DTWD2: variants seen among roughly 807,000 people sequenced by gnomAD.
DTWD2 encodes tRNA-uridine aminocarboxypropyltransferase 2.
DTWD2 carries 39 observed loss-of-function variants against 31.8 expected under a neutral mutation model. That is an observed-to-expected ratio of 1.22 (90% confidence interval 0.95 to 1.60). The LOEUF is 1.60. DTWD2 is among the 40% of genes most tolerant of loss of function. The pLI is 0.00. For synonymous variants in DTWD2, 180 were observed against 142.8 expected (o/e 1.26, Z -1.86); for missense variants, 515 against 381.5 (o/e 1.35, Z -2.92).
rs552887302 is a variant in DTWD2, at chr5:118,942,934, C to T, written c.309+1625G>A. ...CCTCCCACCTCAGCCTCCCAAGTAG[C>T]TAGGCCTATAGGCATACACCACCAC... On this transcript the variant is annotated intron_variant, in intron 2 of 5. Coordinates refer to ENST00000510708, the MANE Select transcript of DTWD2 (RefSeq NM_173666.4). Among the ~76,000 whole-genome samples, 16 of 152,186 alleles carry T rather than the reference C, an allele frequency of 1.1e-4. No individual in the cohort carries two copies. In the South Asian group the frequency reaches 3.3e-3, roughly 32 times the overall value.
chr5:118,836,502 G>C lies in DTWD2; in HGVS notation c.*4415C>G, dbSNP rs1751573053. On this transcript the variant is annotated 3_prime_UTR_variant, in exon 6 of 6. Transcript: ENST00000510708. ...TCTACCCACCTCGGCCTCCCAAAGT[G>C]CTGGAATTACAGATGTGAGCCACCA... 6.6e-6 allele frequency among the ~76,000 whole-genome samples: 1 copy of C among 152,180 alleles called. No individual in the cohort carries two copies. The highest frequency in any genetic ancestry group is 2.4e-5 in the African/African-American group (1 of 41,434).
intron 1 of DTWD2, among the ~76,000 whole-genome samples, chr5:118,959,269 G>GT (rs1342649453): frequency 6.6e-6 from 1 of 152,000 alleles, no homozygotes; most frequent in African/African-American, 2.4e-5. Flanking sequence ...CAAAATCAAT[G>GT]TAAAAAAAAT....
intron 5 of DTWD2, among the ~76,000 whole-genome samples, chr5:118,843,665 G>A (rs1035598473): frequency 6.6e-5 from 10 of 152,166 alleles, no homozygotes; most frequent in Non-Finnish European, 1.0e-4. Flanking sequence ...GTAAACAGAA[G>A]AAAACTCATA....
At chr5:118,896,834 T>A (rs145787055) in intron 4 of DTWD2, among the ~76,000 whole-genome samples, 2 of 152,172 alleles carry the variant, frequency 1.3e-5, no homozygotes, top group African/African-American at 2.4e-5. Flanking sequence ...TTCCAGTCAA[T>A]GGACCCAGCT....
chr5:118,889,376 A>G (rs994826183), intron 4 of DTWD2, among the ~76,000 whole-genome samples: 1 of 152,218 alleles, frequency 6.6e-6, no homozygotes, highest in African/African-American at 2.4e-5. Flanking sequence ...TTTAACATCA[A>G]GCAATAAATT....
At chr5:118,871,705 C>G (rs897494284) in intron 4 of DTWD2, among the ~76,000 whole-genome samples, 3 of 152,126 alleles carry the variant, frequency 2.0e-5, no homozygotes, top group African/African-American at 7.2e-5. Flanking sequence ...CTTTCTTTTT[C>G]CAGTTACAAA....
intron 4 of DTWD2, among the ~76,000 whole-genome samples, chr5:118,851,986 C>T (rs1049715623): frequency 1.3e-4 from 20 of 152,084 alleles, no homozygotes; most frequent in African/African-American, 3.6e-4. Context: ...TTATCTCAAC[C>T]GCAGAGGACA....
intron 1 of DTWD2, among the ~76,000 whole-genome samples, chr5:118,962,663 G>C (rs1228110300): frequency 6.6e-6 from 1 of 152,156 alleles, no homozygotes; most frequent in African/African-American, 2.4e-5. Context: ...GGAGAAGGGA[G>C]AGGAAAAGAA....
chr5:118,872,208 C>A (rs1752521405), intron 4 of DTWD2, among the ~76,000 whole-genome samples: 1 of 152,214 alleles, frequency 6.6e-6, no homozygotes, highest in South Asian at 2.1e-4. Flanking sequence ...ATCCAGACCA[C>A]TCAAATTTTC....
At chr5:118,906,065 C>A (rs906710091) in intron 4 of DTWD2, among the ~76,000 whole-genome samples, 6 of 151,902 alleles carry the variant, frequency 3.9e-5, no homozygotes, top group African/African-American at 1.4e-4. Context: ...TACACTTCAC[C>A]AAAGATGACA....
rs187099248 is a variant in DTWD2 at position 118,868,344 on chromosome 5, T to C, written c.598-20126A>G. Among the ~76,000 whole-genome samples the C allele has an allele frequency of 4.7e-4, 71 of 152,122 alleles. 1 individual carries two copies. Among genetic ancestry groups the C allele is most frequent in the Middle Eastern group, 3.4e-3 (1 of 294 alleles). The stretch of plus-strand genomic sequence containing the variant: ...AAAATAGGGGGAAATCTTTACAACA[T>C]TGGACTTGGGATTGCTTTCTTGGAT... On this transcript the variant is annotated intron_variant, in intron 4 of 5. Transcript: ENST00000510708.
chr5:118,954,553 A>G (rs1754542983), intron 1 of DTWD2, among the ~76,000 whole-genome samples: 3 of 152,104 alleles, frequency 2.0e-5, no homozygotes, highest in Admixed American at 2.0e-4. Flanking sequence ...TCACTCTGTC[A>G]CCCAGGCTGG....
intron 4 of DTWD2, among the ~76,000 whole-genome samples, chr5:118,889,445 C>A (rs1234762015): frequency 6.6e-6 from 1 of 152,098 alleles, no homozygotes; most frequent in East Asian, 1.9e-4. Flanking sequence ...TCTTCATATA[C>A]AGACACAGAA....
intron 3 of DTWD2, among the ~76,000 whole-genome samples, chr5:118,932,086 A>G (rs1180596882): frequency 6.6e-6 from 1 of 152,186 alleles, no homozygotes; most frequent in Non-Finnish European, 1.5e-5. Context: ...CACTGCTTAG[A>G]GAGATATTCA....
In DTWD2 at chr5:118,887,829, C is replaced by T. The variant is rs151189712; in HGVS notation, c.598-39611G>A. ...GTTTGGTTTGGTTTTTTAGAAGAGA[C>T]GAGGTCTCTCTATGCTGCCCAGGCT... On this transcript the variant is annotated intron_variant, in intron 4 of 5. Coordinates refer to ENST00000510708, the MANE Select transcript of DTWD2 (RefSeq NM_173666.4). Among the ~76,000 whole-genome samples the T allele has an allele frequency of 1.7e-3, 256 of 152,238 alleles. 3 individuals are homozygous for T. Among genetic ancestry groups the T allele is most frequent in the African/African-American group, 5.5e-3 (229 of 41,522 alleles).
At position 118,848,178 on chromosome 5, in the gene DTWD2, C is replaced by T. The variant is rs759774875; in HGVS notation, c.638G>A (p.Arg213Gln). The T allele has an allele frequency of 3.1e-6, 5 of 1,606,132 alleles. No homozygotes were observed. Among genetic ancestry groups the T allele is most frequent in the East Asian group, 4.5e-5 (2 of 44,354 alleles). ...KTSISSQYVI[R>Q]MQPTNRCLST... The stretch of plus-strand genomic sequence containing the variant: ...AAGGCATCTATTAGTCGGCTGCATC[C>T]GAATTACATACTGACTAGAAATGCT... The change falls in exon 5 of 6, where the codon CGG becomes CAG. Residue 213 changes from arginine (R) to glutamine (Q), a missense_variant. Coordinates refer to ENST00000510708, the MANE Select transcript of DTWD2 (RefSeq NM_173666.4).
At chr5:118,957,735 A>G (rs1052213064) in intron 1 of DTWD2, among the ~76,000 whole-genome samples, 37 of 152,330 alleles carry the variant, frequency 2.4e-4, no homozygotes, top group African/African-American at 8.4e-4. Context: ...TGCCTAGAGC[A>G]GTGAAGAAAT....
chr5:118,928,494 A>T, intron 4 of DTWD2, 43 bp downstream of exon 4: 1 of 1,304,574 alleles, frequency 7.7e-7, no homozygotes, highest in Non-Finnish European at 1.0e-6. Context: ...AATATACCTA[A>T]TTATATATTT....
At chr5:118,882,596 C>T (rs1002347235) in intron 4 of DTWD2, among the ~76,000 whole-genome samples, 16 of 152,258 alleles carry the variant, frequency 1.1e-4, no homozygotes, top group African/African-American at 3.4e-4. Context: ...TCCATACATC[C>T]TTTGAAATCT....
Sources: gnomAD v4.1 joint callset for allele counts (sites outside exome capture counted in the v4.1 genomes callset) on GRCh38, gnomAD v4.1.1 for gene constraint, MANE v1.5 for transcripts, NCBI Gene and HGNC (gene_info 2026-07-23, HGNC 2026-07-21) for gene names.